CLEC16A: variants seen among roughly 807,000 people sequenced by gnomAD.
The protein encoded by CLEC16A is protein CLEC16A.
CLEC16A carries 51 observed loss-of-function variants against 109.5 expected under a neutral mutation model. The ratio of observed to expected loss-of-function variants is 0.47; its 90% CI spans 0.37 to 0.59. The LOEUF is 0.59. Ranked by LOEUF, CLEC16A falls within the 20% of genes least tolerant of loss-of-function variation. The probability of loss-of-function intolerance (pLI) is 0.00; values close to 1 mark genes in which losing one functional copy is unlikely to be tolerated. For missense variants in CLEC16A, 1,339 were observed against 1,394.0 expected, an observed-to-expected ratio of 0.96 and a Z score of 0.63; for synonymous variants, 673 against 564.2, an observed-to-expected ratio of 1.19 and a Z score of -2.73.
At chr16:11,067,292 A>G (rs1033990985) in intron 19 of CLEC16A, among the ~76,000 whole-genome samples, 11 of 151,004 alleles carry the variant, frequency 7.3e-5, no homozygotes, top group East Asian at 3.9e-4. Flanking sequence ...GCAAACTCCA[A>G]TCACAGCAGC....
intron 13 of CLEC16A, among the ~76,000 whole-genome samples, chr16:11,029,454 G>C (rs1344095591): frequency 6.6e-6 from 1 of 152,116 alleles, no homozygotes; most frequent in East Asian, 1.9e-4. Context: ...TGATCTCCCT[G>C]AACTCCAGAC....
chr16:11,132,011 G>C (rs1161719997), intron 22 of CLEC16A, among the ~76,000 whole-genome samples: 2 of 152,290 alleles, frequency 1.3e-5, no homozygotes, highest in East Asian at 3.9e-4. Context: ...CCTCAAAAAG[G>C]GGCCTTCCCT....
chr16:11,077,066 C>T (rs138464861), intron 19 of CLEC16A, among the ~76,000 whole-genome samples: 5 of 152,284 alleles, frequency 3.3e-5, no homozygotes, highest in African/African-American at 4.8e-5. Context: ...AGAGCAGGGC[C>T]GGGCACAGTG....
intron 22 of CLEC16A, among the ~76,000 whole-genome samples, chr16:11,154,116 A>G (rs1444506354): frequency 3.3e-5 from 5 of 152,270 alleles, no homozygotes; most frequent in Admixed American, 3.3e-4. Context: ...AGACAGGGCA[A>G]AGAGAAATGG....
chr16:11,107,898 C>A (rs766633776), intron 19 of CLEC16A, among the ~76,000 whole-genome samples: 1 of 152,210 alleles, frequency 6.6e-6, no homozygotes, highest in East Asian at 1.9e-4. Context: ...ATTGACCCCT[C>A]GGACCACTTA....
intron 15 of CLEC16A, among the ~76,000 whole-genome samples, chr16:11,043,097 T>C (rs1227175799): frequency 6.6e-6 from 1 of 150,618 alleles, no homozygotes; most frequent in Non-Finnish European, 1.5e-5. Flanking sequence ...CACACACACA[T>C]GCTTACAAAT....
chr16:11,160,151 T>G (rs2054671239), intron 22 of CLEC16A, among the ~76,000 whole-genome samples: 1 of 152,106 alleles, frequency 6.6e-6, no homozygotes, highest in Non-Finnish European at 1.5e-5. Context: ...TGCACTTTAG[T>G]CACATGGCCA....
At chr16:11,009,870 G>A (rs567352518) in intron 11 of CLEC16A, among the ~76,000 whole-genome samples, 101 of 152,200 alleles carry the variant, frequency 6.6e-4, no homozygotes, top group African/African-American at 2.4e-3. Context: ...AAAGAATATG[G>A]TGGCCAGGCG....
chr16:11,125,699 C>T (rs1006301249), intron 21 of CLEC16A, among the ~76,000 whole-genome samples: 2 of 152,250 alleles, frequency 1.3e-5, no homozygotes, highest in Non-Finnish European at 2.9e-5. Flanking sequence ...ATTGACCCAG[C>T]TTCCATTCCA....
chr16:11,029,704 C>G (rs1438442344), intron 13 of CLEC16A, among the ~76,000 whole-genome samples: 3 of 152,142 alleles, frequency 2.0e-5, no homozygotes, highest in Non-Finnish European at 2.9e-5. Context: ...CCATCTTGGC[C>G]AGAAGCATAG....
intron 9 of CLEC16A, among the ~76,000 whole-genome samples, chr16:10,980,988 C>G (rs1220820506): frequency 1.3e-5 from 2 of 152,172 alleles, no homozygotes; most frequent in African/African-American, 2.4e-5. Flanking sequence ...AACCAAACTG[C>G]TAACAGAGTG....
intron 23 of CLEC16A, among the ~76,000 whole-genome samples, chr16:11,172,875 C>T (rs1357838256): frequency 6.6e-6 from 1 of 152,132 alleles, no homozygotes; most frequent in Non-Finnish European, 1.5e-5. Context: ...GGCAACAGAG[C>T]GGGACTCTGT....
chr16:10,993,311 G>A (rs1416280935), intron 10 of CLEC16A, among the ~76,000 whole-genome samples: 2 of 152,118 alleles, frequency 1.3e-5, no homozygotes, highest in South Asian at 2.1e-4. Flanking sequence ...CCTGGGAGGC[G>A]GAGGTTGCAG....
At chr16:11,159,231 C>T (rs553384335) in intron 22 of CLEC16A, among the ~76,000 whole-genome samples, 1 of 152,328 alleles carries the variant, frequency 6.6e-6, no homozygotes, top group Non-Finnish European at 1.5e-5. Flanking sequence ...CTCCCTGGCA[C>T]AAAAGCTGAA....
At chr16:10,955,786 G>T (rs1415212476) in intron 1 of CLEC16A, among the ~76,000 whole-genome samples, 1 of 152,186 alleles carries the variant, frequency 6.6e-6, no homozygotes, top group Non-Finnish European at 1.5e-5. Context: ...ACGATGTCTT[G>T]TCACTGGCAG....
chr16:11,112,376 T>A (rs1189342322), intron 19 of CLEC16A, among the ~76,000 whole-genome samples: 3 of 151,326 alleles, frequency 2.0e-5, no homozygotes, highest in African/African-American at 7.3e-5. Flanking sequence ...TAAAATAGAA[T>A]GGGTCAGGTG....
At chr16:10,951,777 G>T (rs1427105275) in intron 1 of CLEC16A, among the ~76,000 whole-genome samples, 3 of 152,232 alleles carry the variant, frequency 2.0e-5, no homozygotes, top group Non-Finnish European at 4.4e-5. Flanking sequence ...AAGTAGCAAG[G>T]TAATTATTCT....
At chr16:11,109,870 C>T (rs192798366) in intron 19 of CLEC16A, among the ~76,000 whole-genome samples, 2 of 152,306 alleles carry the variant, frequency 1.3e-5, no homozygotes, top group East Asian at 1.9e-4. Context: ...AAACTCCAGC[C>T]GTAGCCTAAA....
chr16:11,009,432 C>G (rs2045262419), intron 11 of CLEC16A, among the ~76,000 whole-genome samples: 1 of 152,152 alleles, frequency 6.6e-6, no homozygotes, highest in Non-Finnish European at 1.5e-5. Flanking sequence ...GCCTTTGAGG[C>G]TTTTGTAGAA....
Sources: gnomAD v4.1 joint callset for allele counts (sites outside exome capture counted in the v4.1 genomes callset) on GRCh38, gnomAD v4.1.1 for gene constraint, MANE v1.5 for transcripts, NCBI Gene and HGNC (gene_info 2026-07-23, HGNC 2026-07-21) for gene names.